Variants in MAP2 observed in about 807,000 individuals in gnomAD.
MAP2 encodes microtubule-associated protein 2.
In MAP2, 14 loss-of-function variants were observed where a neutral mutation model predicts 137.6. The ratio of observed to expected loss-of-function variants is 0.10; its 90% CI spans 0.07 to 0.16. MAP2 has a LOEUF of 0.16. Ranked by LOEUF, MAP2 falls within the 10% of genes least tolerant of loss-of-function variation. The pLI, the probability that MAP2 is intolerant of heterozygous loss-of-function variation, is 1.00. For missense variants in MAP2, 2,088 were observed against 2,191.5 expected (o/e 0.95, Z 0.94); for synonymous variants, 786 against 782.3 (o/e 1.00, Z -0.08).
intron 2 of MAP2, among the ~76,000 whole-genome samples, chr2:209,564,577 A>C (rs1000420855): frequency 6.0e-5 from 9 of 150,856 alleles, no homozygotes; most frequent in African/African-American, 1.2e-4. Context: ...AAAAAAAAAA[A>C]AAAAAACCAA....
In MAP2 at chr2:209,674,533, C is replaced by G. The variant is rs537357148; in HGVS notation, c.263-4039C>G. On this transcript the variant is annotated intron_variant, in intron 5 of 15. Transcript: ENST00000682079. Reference sequence around the variant, plus strand: ...AAAGTAGCAATGCTGGAATTTGTACCCACATTTTCCTGAATTAAAGTCTGT... The same window carrying G: ...AAAGTAGCAATGCTGGAATTTGTACGCACATTTTCCTGAATTAAAGTCTGT... 6.9e-4 allele frequency among the ~76,000 whole-genome samples: 105 copies of G among 151,532 alleles called. 1 individual carries two copies. In the South Asian group the frequency reaches 0.021, roughly 30 times the overall value.
chr2:209,635,690 C>A (rs1469103167), intron 4 of MAP2, among the ~76,000 whole-genome samples: 2 of 152,010 alleles, frequency 1.3e-5, no homozygotes, highest in Non-Finnish European at 2.9e-5. Context: ...TAAAAAAATT[C>A]TATAATTGGG....
rs760663956 is a variant in MAP2 at position 209,710,146 on chromosome 2, G to C, written c.4965G>C (p.Ala1655=). ...TACGTACTCCTCCAAAATCTCCTGC[G>C]ACTCCCAAGCAGCTTCGGCTTATTA... is the stretch of plus-strand genomic sequence containing the variant. The part of the protein sequence containing the change: ...AIIRTPPKSP[A]TPKQLRLINQ... The change falls in exon 13 of 16, where the codon GCG becomes GCC. Residue 1655 remains alanine, a synonymous_variant. Transcript: ENST00000682079. 1 of 1,613,672 alleles carries C rather than the reference G, an allele frequency of 6.2e-7. No individual in the cohort carries two copies. The highest frequency in any genetic ancestry group is 1.3e-5 in the African/African-American group (1 of 74,806).
At chr2:209,429,820 A>G (rs752290153) in intron 1 of MAP2, among the ~76,000 whole-genome samples, 1 of 152,270 alleles carries the variant, frequency 6.6e-6, no homozygotes, top group Non-Finnish European at 1.5e-5. Context: ...AAAGTACAAC[A>G]TTGTGTTGTT....
chr2:209,691,656 G>T (rs1484546341), intron 7 of MAP2, among the ~76,000 whole-genome samples: 3 of 152,112 alleles, frequency 2.0e-5, no homozygotes, highest in Non-Finnish European at 4.4e-5. Context: ...AAGCCTTTTG[G>T]ATTGTTGAAT....
intron 4 of MAP2, among the ~76,000 whole-genome samples, chr2:209,632,829 C>A (rs1257255874): frequency 6.6e-6 from 1 of 152,154 alleles, no homozygotes; most frequent in African/African-American, 2.4e-5. Flanking sequence ...CTCTTCCTCA[C>A]TCTTACTCTC....
chr2:209,436,177 T>G (rs924006865), intron 1 of MAP2, among the ~76,000 whole-genome samples: 8 of 150,968 alleles, frequency 5.3e-5, no homozygotes, highest in African/African-American at 1.5e-4. Flanking sequence ...CAGTTATATG[T>G]GTGTATATGT....
At chr2:209,451,102 G>C (rs60457662) in intron 1 of MAP2, among the ~76,000 whole-genome samples, 14,356 of 151,966 alleles carry the variant, frequency 0.094, 1,457 homozygotes, top group African/African-American at 0.26. Flanking sequence ...CATTGAATCT[G>C]AACAATTGAG....
chr2:209,580,218 TTG>T (rs2076102264), intron 3 of MAP2, 118 bp downstream of exon 3: 1 of 152,156 alleles, frequency 6.6e-6, no homozygotes, highest in Non-Finnish European at 1.5e-5. Context: ...AAGTTGATCA[TTG>T]TCTATTGCAT....
chr2:209,719,931 A>G (rs2069530447), intron 13 of MAP2, among the ~76,000 whole-genome samples: 1 of 152,104 alleles, frequency 6.6e-6, no homozygotes, highest in African/African-American at 2.4e-5. Flanking sequence ...CTTTTTTGCA[A>G]GCTCCCACTG....
intron 3 of MAP2, among the ~76,000 whole-genome samples, chr2:209,617,789 A>G (rs1287088630): frequency 6.6e-6 from 1 of 152,018 alleles, no homozygotes; most frequent in African/African-American, 2.4e-5. Context: ...GGGGTGGGGG[A>G]GGATATAATA....
intron 2 of MAP2, among the ~76,000 whole-genome samples, chr2:209,566,352 A>G (rs1360098752): frequency 6.6e-6 from 1 of 152,048 alleles, no homozygotes; most frequent in Non-Finnish European, 1.5e-5. Flanking sequence ...GTGAAACTAA[A>G]ATCTTCCTTG....
At position 209,697,019 on chromosome 2, in the gene MAP2, C is replaced by T. The variant is rs749289155; in HGVS notation, c.4490C>T (p.Thr1497Ile). 7 of 1,612,104 alleles carry T rather than the reference C, an allele frequency of 4.3e-6. No homozygotes were observed. The highest frequency in any genetic ancestry group is 1.1e-5 in the South Asian group (1 of 90,482). ...LKPAIKYTRP[T>I]HLSCVKRKTT... is the part of the protein sequence containing the mutation. ...CCTGCTATCAAATATACTAGACCAA[C>T]TCATCTCTCCTGTGTTAAGCGGAAA... Residue 1497 changes from threonine (T) to isoleucine (I), a missense_variant, in exon 10 of 16, where the codon ACT becomes ATT. Transcript: ENST00000682079.
At chr2:209,508,778 G>A (rs536954724) in intron 2 of MAP2, among the ~76,000 whole-genome samples, 1 of 152,022 alleles carries the variant, frequency 6.6e-6, no homozygotes, top group South Asian at 2.1e-4. Context: ...TTGGTTTCAA[G>A]TCTATAAACT....
intron 4 of MAP2, among the ~76,000 whole-genome samples, chr2:209,647,026 G>A (rs1163556258): frequency 6.6e-6 from 1 of 152,086 alleles, no homozygotes; most frequent in African/African-American, 2.4e-5. Context: ...GCTCAGCTTC[G>A]GGGAGGCCTC....
At chr2:209,435,996 A>ATAATAT (rs1696014240) in intron 1 of MAP2, among the ~76,000 whole-genome samples, 1 of 70,286 alleles carries the variant, frequency 1.4e-5, no homozygotes, top group Non-Finnish European at 2.4e-5. Flanking sequence ...TATATTATAT[A>ATAATAT]CTATATATAC....
intron 7 of MAP2, among the ~76,000 whole-genome samples, chr2:209,688,078 C>CCCTAT (rs1399024746): frequency 6.6e-6 from 1 of 152,082 alleles, no homozygotes; most frequent in East Asian, 1.9e-4. Flanking sequence ...GTTTTCTCTG[C>CCCTAT]ATGAAAGTGA....
intron 12 of MAP2, among the ~76,000 whole-genome samples, chr2:209,708,631 G>A (rs888638400): frequency 6.6e-6 from 1 of 152,130 alleles, no homozygotes; most frequent in Admixed American, 6.6e-5. Context: ...GGTGACCTCT[G>A]AGATTCCTTT....
chr2:209,586,284 A>T (rs935101793), intron 3 of MAP2, among the ~76,000 whole-genome samples: 2 of 152,158 alleles, frequency 1.3e-5, no homozygotes, highest in Non-Finnish European at 2.9e-5. Context: ...GAAAAAAGAC[A>T]AATTTATAGA....
Sources: gnomAD v4.1 joint callset for allele counts (sites outside exome capture counted in the v4.1 genomes callset) on GRCh38, gnomAD v4.1.1 for gene constraint, MANE v1.5 for transcripts, NCBI Gene and HGNC (gene_info 2026-07-23, HGNC 2026-07-21) for gene names.